ADGB: variants seen among roughly 807,000 people sequenced by gnomAD.
The protein encoded by ADGB is androglobin, also known as calpain-7-like protein.
ADGB carries 172 observed loss-of-function variants against 210.5 expected under a neutral mutation model. The ratio of observed to expected loss-of-function variants is 0.82; its 90% CI spans 0.72 to 0.93. ADGB has a LOEUF of 0.93. Among genes scored for constraint, ADGB ranks in the 40% least tolerant of loss-of-function variants. The pLI, the probability that ADGB is intolerant of heterozygous loss-of-function variation, is 0.00. For missense variants in ADGB, 2,025 were observed against 1,964.8 expected, an observed-to-expected ratio of 1.03 and a Z score of -0.58; for synonymous variants, 658 against 662.7, an observed-to-expected ratio of 0.99 and a Z score of 0.11.
At chr6:146,749,075 T>C (rs6899929) in intron 26 of ADGB, among the ~76,000 whole-genome samples, 1,776 of 152,172 alleles carry the variant, frequency 0.012, 26 homozygotes, top group African/African-American at 0.04. Flanking sequence ...GCAGTGACAG[T>C]GAATCTGGAG....
intron 23 of ADGB, among the ~76,000 whole-genome samples, chr6:146,738,868 T>A (rs1285832998): frequency 6.6e-6 from 1 of 152,194 alleles, no homozygotes; most frequent in East Asian, 1.9e-4. Flanking sequence ...TAGGAAAATC[T>A]GTGGGTGAGA....
intron 11 of ADGB, among the ~76,000 whole-genome samples, 169 bp downstream of exon 11, chr6:146,691,459 A>T (rs56092937): frequency 0.54 from 23,686 of 43,620 alleles, 7,196 homozygotes; most frequent in South Asian, 0.62. Flanking sequence ...TATATATATA[A>T]AAATATATAT....
chr6:146,649,532 C>T (rs1474280561), intron 3 of ADGB, among the ~76,000 whole-genome samples: 1 of 150,932 alleles, frequency 6.6e-6, no homozygotes, highest in African/African-American at 2.4e-5. Context: ...TCACTCTTGC[C>T]CAGGCTGGAG....
rs377313716 is a variant in ADGB, at chr6:146,672,395, G to A, written c.1015G>A (p.Val339Met). Residue 339 changes from valine (V) to methionine (M), a missense_variant, in exon 8 of 36, where the codon GTG becomes ATG. Coordinates refer to ENST00000397944, the MANE Select transcript of ADGB (RefSeq NM_024694.4). ...EIKDGKEVKD[V>M]KEFKPESSLT... The stretch of plus-strand genomic sequence containing the variant: ...AAAGGATGGAAAGGAAGTAAAAGAC[G>A]TGAAGGAATTCAAACCTGAAAGTTC... 27 of 1,551,242 alleles carry A rather than the reference G, an allele frequency of 1.7e-5. No individual in the cohort carries two copies. The highest frequency in any genetic ancestry group is 1.2e-4 in the African/African-American group (9 of 73,006).
At chr6:146,764,213 G>T in intron 28 of ADGB, 113 bp downstream of exon 28, 1 of 859,466 alleles carries the variant, frequency 1.2e-6, no homozygotes, top group Non-Finnish European at 1.7e-6. Context: ...CCAATGTATA[G>T]CCAGAATTGG....
intron 4 of ADGB, among the ~76,000 whole-genome samples, chr6:146,655,401 C>T (rs1775765703): frequency 6.6e-6 from 1 of 152,146 alleles, no homozygotes; most frequent in Admixed American, 6.5e-5. Context: ...CCTGTGGGAA[C>T]TCATCTCCCC....
At chr6:146,643,457 A>T (rs1470712047) in intron 2 of ADGB, among the ~76,000 whole-genome samples, 1 of 151,774 alleles carries the variant, frequency 6.6e-6, no homozygotes, top group Non-Finnish European at 1.5e-5. Context: ...TTCGTTTATA[A>T]CCTGTCAATT....
At chr6:146,634,902 A>G (rs79837634) in intron 1 of ADGB, among the ~76,000 whole-genome samples, 5,468 of 152,164 alleles carry the variant, frequency 0.036, 320 homozygotes, top group African/African-American at 0.12. Flanking sequence ...TCCTTAAATT[A>G]GTATTTAGAT....
intron 29 of ADGB, among the ~76,000 whole-genome samples, chr6:146,779,750 A>G (rs546470347): frequency 6.6e-6 from 1 of 152,174 alleles, no homozygotes; most frequent in East Asian, 1.9e-4. Context: ...AAGATATCCC[A>G]GAAAAAAAAA....
intron 2 of ADGB, among the ~76,000 whole-genome samples, chr6:146,642,918 G>C (rs900937088): frequency 6.6e-6 from 1 of 151,466 alleles, no homozygotes; most frequent in Admixed American, 6.6e-5. Context: ...AAAATAAAAG[G>C]GTTCTTTTAA....
intron 12 of ADGB, among the ~76,000 whole-genome samples, chr6:146,693,981 T>C (rs903558037): frequency 1.3e-5 from 2 of 152,182 alleles, no homozygotes; most frequent in African/African-American, 2.4e-5. Flanking sequence ...CAGACACGTA[T>C]ATATTTTCTA....
intron 28 of ADGB, among the ~76,000 whole-genome samples, chr6:146,766,732 T>C (rs1777582240): frequency 6.6e-6 from 1 of 152,078 alleles, no homozygotes; most frequent in Admixed American, 6.6e-5. Flanking sequence ...AACTTTTCAA[T>C]CCTTTTTAAG....
intron 3 of ADGB, among the ~76,000 whole-genome samples, chr6:146,647,688 T>G (rs59029255): frequency 1.3e-5 from 2 of 151,944 alleles, no homozygotes; most frequent in South Asian, 2.1e-4. Context: ...TAGAACCAGA[T>G]GAAAAAAGTT....
chr6:146,703,115 A>G (rs900363425), intron 13 of ADGB, among the ~76,000 whole-genome samples: 4 of 151,750 alleles, frequency 2.6e-5, no homozygotes, highest in Admixed American at 1.3e-4. Flanking sequence ...TCTTTTGCCT[A>G]ATTTCCATTT....
Position 146,603,868 on chromosome 6 carries a change from CAA to C in ADGB, c.74+4755_74+4756del, listed in dbSNP as rs140345580. 4.1e-3 allele frequency among the ~76,000 whole-genome samples: 621 copies of C among 152,148 alleles called. 5 individuals are homozygous for C. Among genetic ancestry groups the C allele is most frequent in the Middle Eastern group, 0.01 (3 of 294 alleles). ...AATTCTTTCTTGGTTGTCTGAGGCCCAAGAGAGAGATGATCCAATGAAACTAT... is the reference window on the plus strand; with the variant it reads ...AATTCTTTCTTGGTTGTCTGAGGCCCGAGAGAGATGATCCAATGAAACTAT... On this transcript the variant is annotated intron_variant, in intron 1 of 35. Transcript: ENST00000397944.
chr6:146,617,603 C>G (rs1426766544), intron 1 of ADGB, among the ~76,000 whole-genome samples: 1 of 150,590 alleles, frequency 6.6e-6, no homozygotes, highest in African/African-American at 2.4e-5. Context: ...TCATTGTTTT[C>G]AGGTATATTC....
intron 29 of ADGB, among the ~76,000 whole-genome samples, chr6:146,775,741 T>A (rs1777711535): frequency 2.0e-5 from 3 of 152,086 alleles, no homozygotes. Flanking sequence ...TGTTGTTCTT[T>A]ATTTGGCACA....
chr6:146,707,446 ATAT>A (rs1237510245), intron 13 of ADGB, among the ~76,000 whole-genome samples: 1 of 152,090 alleles, frequency 6.6e-6, no homozygotes, highest in Non-Finnish European at 1.5e-5. Context: ...AAGACTCCAA[ATAT>A]TATTGTATTG....
Position 146,737,264 on chromosome 6 carries a change from G to A in ADGB, c.2888+673G>A, listed in dbSNP as rs529302610. 6.2e-4 allele frequency among the ~76,000 whole-genome samples: 95 copies of A among 152,194 alleles called. 2 individuals carry two copies. Among genetic ancestry groups the A allele is most frequent in the South Asian group, 4.1e-4 (2 of 4,824 alleles). ...TAAAACACAGACAAATGGAAAGTAC[G>A]TCAATGAACATTTTAATAACCAAAA... On this transcript the variant is annotated intron_variant, in intron 23 of 35. Coordinates refer to ENST00000397944, the MANE Select transcript of ADGB (RefSeq NM_024694.4).
Sources: allele counts gnomAD v4.1 joint callset (sites outside exome capture counted in the v4.1 genomes callset), GRCh38; gene constraint gnomAD v4.1.1; transcripts MANE v1.5; gene names NCBI Gene and HGNC (gene_info 2026-07-23, HGNC 2026-07-21).